Variants in TCAIM observed in about 807,000 individuals in gnomAD.
TCAIM encodes the protein T-cell activation inhibitor, mitochondrial.
Under a neutral mutation model 58.6 loss-of-function variants are expected in TCAIM, and 36 were observed. The observed-to-expected ratio is 0.61, with a 90% confidence interval of 0.47 to 0.81. The LOEUF is 0.81. Ranked by LOEUF, TCAIM falls within the 30% of genes least tolerant of loss-of-function variation. The pLI is 0.00. For synonymous variants in TCAIM, 172 were observed against 193.6 expected, an observed-to-expected ratio of 0.89 and a Z score of 0.93; for missense variants, 466 against 579.6, an observed-to-expected ratio of 0.80 and a Z score of 2.01.
intron 8 of TCAIM, 30 bp downstream of exon 8, chr3:44,396,864 C>T: frequency 1.9e-6 from 3 of 1,589,246 alleles, no homozygotes; most frequent in East Asian, 4.5e-5. Flanking sequence ...TTAAAAACTC[C>T]TTGTCATTCA....
rs769816021 is a variant in TCAIM at position 44,396,350 on chromosome 3, C to T, written c.696-50C>T. On this transcript the variant is annotated intron_variant, in intron 6 of 10. Coordinates refer to ENST00000342649, the MANE Select transcript of TCAIM (RefSeq NM_173826.4). ...CAGTAGTTGTGGTGGGTGCTCGCTC[C>T]GTCTTCAGGGTGCCACTTGTTAACA... 31 of 1,537,908 alleles carry T rather than the reference C, an allele frequency of 2.0e-5. No homozygotes were observed. In the East Asian group the frequency reaches 5.5e-4, roughly 27 times the overall value.
chr3:44,401,149 G>A lies in TCAIM; in HGVS notation c.1119-54G>A, dbSNP rs187499942. 454 of 1,586,998 alleles carry A rather than the reference G, an allele frequency of 2.9e-4. 3 individuals are homozygous for A. The African/African-American group carries it at 5.4e-3, about 19-fold the overall frequency. On this transcript the variant is annotated intron_variant, in intron 9 of 10. Coordinates refer to ENST00000342649, the MANE Select transcript of TCAIM (RefSeq NM_173826.4). ...GAAGACTAATAAAATATTTTCTCTG[G>A]TGGGGGAGAGGAGAGGGTCAGTGGT...
rs566129102 is a variant in TCAIM at position 44,390,285 on chromosome 3, T to C, written c.573-2570T>C. On this transcript the variant is annotated intron_variant, in intron 5 of 10. Transcript: ENST00000342649. ...ACATCTAAAACATTTAAAGTGAATA[T>C]TAAGGAACCTAGCACTCGCTTCAGC... Among the ~76,000 whole-genome samples the C allele has an allele frequency of 2.2e-4, 33 of 152,276 alleles. No homozygotes were observed. The South Asian group carries it at 5.0e-3, about 23-fold the overall frequency.
chr3:44,383,909 T>C (rs1701695014), intron 5 of TCAIM, among the ~76,000 whole-genome samples: 1 of 151,944 alleles, frequency 6.6e-6, no homozygotes, highest in Non-Finnish European at 1.5e-5. Context: ...AGTAAGACCC[T>C]GTCTTTAAAA....
chr3:44,381,285 C>G (rs1701651043), intron 5 of TCAIM, among the ~76,000 whole-genome samples: 1 of 151,970 alleles, frequency 6.6e-6, no homozygotes, highest in South Asian at 2.1e-4. Context: ...GGATATATTC[C>G]TAGAGTACAA....
chr3:44,385,490 C>T (rs1282623344), intron 5 of TCAIM, among the ~76,000 whole-genome samples: 1 of 152,060 alleles, frequency 6.6e-6, no homozygotes, highest in Non-Finnish European at 1.5e-5. Flanking sequence ...GCCTGTAATC[C>T]CAGCACTTTG....
chr3:44,394,908 AAAAAAAAAAAAAAATATATATATAT>A (rs1194770203), intron 6 of TCAIM, among the ~76,000 whole-genome samples: 1 of 51,316 alleles, frequency 1.9e-5, no homozygotes, highest in East Asian at 5.7e-4. Flanking sequence ...AAAAAAAAAA[AAAAAAAAAAAAAAATATATATATAT>A]ATATATATAT....
At chr3:44,380,245 C>T (rs1701633970) in intron 5 of TCAIM, among the ~76,000 whole-genome samples, 1 of 152,054 alleles carries the variant, frequency 6.6e-6, no homozygotes, top group Admixed American at 6.6e-5. Context: ...TTACAATCAT[C>T]AATCGTGTAT....
chr3:44,374,836 T>C (rs975387328), intron 5 of TCAIM, among the ~76,000 whole-genome samples: 1 of 152,218 alleles, frequency 6.6e-6, no homozygotes, highest in Non-Finnish European at 1.5e-5. Flanking sequence ...AAGGCTGTTA[T>C]TGGTCTAAAC....
At chr3:44,361,294 T>C in intron 3 of TCAIM, 71 bp from the exon 4 acceptor site, 3 of 1,337,040 alleles carry the variant, frequency 2.2e-6, no homozygotes, top group Non-Finnish European at 3.1e-6. Flanking sequence ...GTTTAAAAGG[T>C]TAGATAGATA....
chr3:44,351,251 A>G (rs1032896788), intron 1 of TCAIM, among the ~76,000 whole-genome samples: 3 of 151,928 alleles, frequency 2.0e-5, no homozygotes, highest in Non-Finnish European at 4.4e-5. Flanking sequence ...GGCCTCCCAA[A>G]GTGCTGGGGA....
chr3:44,343,960 A>G (rs1275184067), intron 1 of TCAIM, among the ~76,000 whole-genome samples: 1 of 151,574 alleles, frequency 6.6e-6, no homozygotes, highest in Non-Finnish European at 1.5e-5. Context: ...ATTTTTCTGG[A>G]TAACTAAAGA....
intron 1 of TCAIM, among the ~76,000 whole-genome samples, chr3:44,349,814 T>C (rs1375003661): frequency 6.6e-6 from 1 of 151,914 alleles, no homozygotes; most frequent in Non-Finnish European, 1.5e-5. Context: ...GCACCAAAAT[T>C]GAAAGGAGAA....
At chr3:44,341,471 A>C (rs1260731617) in intron 1 of TCAIM, 1 of 152,140 alleles carries the variant, frequency 6.6e-6, no homozygotes, top group Non-Finnish European at 1.5e-5. Flanking sequence ...TTCTAGAGAA[A>C]AATTTGTGAA....
intron 4 of TCAIM, chr3:44,362,617 G>A (rs1342530610): frequency 5.1e-6 from 2 of 388,860 alleles, no homozygotes; most frequent in African/African-American, 2.1e-5. Context: ...CTCTGACTTA[G>A]AGTTTTATTA....
At chr3:44,381,238 G>A (rs1252447726) in intron 5 of TCAIM, among the ~76,000 whole-genome samples, 1 of 152,014 alleles carries the variant, frequency 6.6e-6, no homozygotes, top group African/African-American at 2.4e-5. Context: ...AATTAATTTA[G>A]CAGCATATTA....
intron 8 of TCAIM, among the ~76,000 whole-genome samples, chr3:44,399,653 C>CT (rs1036463512): frequency 3.3e-5 from 5 of 152,146 alleles, no homozygotes; most frequent in Admixed American, 6.5e-5. Flanking sequence ...TGCACATGCT[C>CT]TTTTTCCTTC....
intron 5 of TCAIM, among the ~76,000 whole-genome samples, chr3:44,377,007 T>C: frequency 6.6e-6 from 1 of 152,146 alleles, no homozygotes; most frequent in Non-Finnish European, 1.5e-5. Context: ...GGAGAATCGC[T>C]TGAACCTGGG....
At chr3:44,356,883 G>A (rs1701204024) in intron 2 of TCAIM, among the ~76,000 whole-genome samples, 1 of 151,602 alleles carries the variant, frequency 6.6e-6, no homozygotes, top group Non-Finnish European at 1.5e-5. Context: ...GGCTGAGGCA[G>A]GAGAGTCACT....
Sources: gnomAD v4.1 joint callset for allele counts (sites outside exome capture counted in the v4.1 genomes callset) on GRCh38, gnomAD v4.1.1 for gene constraint, MANE v1.5 for transcripts, NCBI Gene and HGNC (gene_info 2026-07-23, HGNC 2026-07-21) for gene names.